MED12: variants seen among roughly 807,000 people sequenced by gnomAD.
MED12 encodes the protein mediator complex subunit 12.
In MED12, 10 loss-of-function variants were observed where a neutral mutation model predicts 177.7. The ratio of observed to expected loss-of-function variants is 0.06; its 90% confidence interval spans 0.03 to 0.10. MED12 has a LOEUF of 0.10. Among genes scored for constraint, MED12 ranks in the 10% least tolerant of loss-of-function variants. MED12 has a pLI of 1.00. For missense variants in MED12, 867 were observed against 1,780.8 expected, an observed-to-expected ratio of 0.49 and a Z score of 9.23; for synonymous variants, 641 against 678.4, an observed-to-expected ratio of 0.94 and a Z score of 0.86.
chrX:71,127,625 G>T, intron 21 of MED12, 158 bp downstream of exon 21: 1 of 517,823 alleles, frequency 1.9e-6, no homozygotes, highest in South Asian at 2.9e-5. Flanking sequence ...CCAAGAGTGG[G>T]CCCTCTTCCT....
chrX:71,142,339 A>G lies in MED12; in HGVS notation c.*121A>G, dbSNP rs1008290093. The G allele has an allele frequency of 1.1e-5, 8 of 719,948 alleles. No homozygotes were observed. Among genetic ancestry groups the G allele is most frequent in the Non-Finnish European group, 1.5e-5 (7 of 469,209 alleles). 59.3% of individuals were successfully genotyped at this position (719,948 alleles called of 1,213,427 possible). A position where few individuals can be genotyped will look rare whatever the true frequency, so the allele number is the denominator to read the frequency against. Reference sequence around the variant, plus strand: ...GCCCTCCCCTCAGGCTCCATTTTTAATAAGTTTTTAGTATTTTTGTTAATG... The same window carrying G: ...GCCCTCCCCTCAGGCTCCATTTTTAGTAAGTTTTTAGTATTTTTGTTAATG... On this transcript the variant is annotated 3_prime_UTR_variant, in exon 45 of 45. Transcript: ENST00000374080.
Position 71,127,323 on chromosome X carries a change from C to T in MED12, c.2850-13C>T, listed in dbSNP as rs1199760146. The T allele has an allele frequency of 8.3e-7, 1 of 1,209,452 alleles. No individual in the cohort carries two copies. The highest frequency in any genetic ancestry group is 1.7e-5 in the African/African-American group (1 of 57,241). On this transcript the variant is annotated splice_polypyrimidine_tract_variant and intron_variant, in intron 20 of 44. Coordinates refer to ENST00000374080, the MANE Select transcript of MED12 (RefSeq NM_005120.3). ...CCATCTGCTGACCCTCCCAACCTTGCTTCTTCATGCAGGCTGTGTGGCGTC... is the reference window on the plus strand; with the variant it reads ...CCATCTGCTGACCCTCCCAACCTTGTTTCTTCATGCAGGCTGTGTGGCGTC...
At chrX:71,133,814 G>A (rs141246253) in intron 33 of MED12, among the ~76,000 whole-genome samples, 2,076 of 111,356 alleles carry the variant, frequency 0.019, 40 homozygotes, top group African/African-American at 0.064. Context: ...ACTGTGGAAT[G>A]TTGAATGGAA....
chrX:71,132,673 A>G, intron 31 of MED12, 135 bp downstream of exon 31: 5 of 892,805 alleles, frequency 5.6e-6, no homozygotes, highest in Admixed American at 2.7e-5. Context: ...GGCATGGCTG[A>G]GCAAGAGGCT....
At chrX:71,138,601 G>A (rs182985863) in intron 41 of MED12, among the ~76,000 whole-genome samples, 5 of 109,728 alleles carry the variant, frequency 4.6e-5, no homozygotes, top group East Asian at 2.9e-4. Context: ...TTAGACAGGC[G>A]TGTTGGTGCA....
At chrX:71,133,071 G>C (rs2092322764) in intron 32 of MED12, 52 bp from the exon 33 acceptor site, 2 of 1,056,497 alleles carry the variant, frequency 1.9e-6, no homozygotes, top group Admixed American at 4.4e-5. Flanking sequence ...GCTGCTGTGG[G>C]ATGGAAACAC....
intron 4 of MED12, 76 bp downstream of exon 4, chrX:71,120,246 TTC>T (rs1419195877): frequency 5.8e-6 from 6 of 1,039,004 alleles, no homozygotes; most frequent in Non-Finnish European, 8.1e-6. Flanking sequence ...ACCATCCTCC[TTC>T]TTAATCTAGA....
chrX:71,136,575 G>C lies in MED12; in HGVS notation c.5320G>C (p.Ala1774Pro). ...PEPPKTDKPGAAPPSTEERKK... is the reference protein window; with the variant it reads ...PEPPKTDKPGPAPPSTEERKK... ...GCCCCCCAAAACTGACAAACCGGGG[G>C]CTGCTCCACCCAGTACTGAGGAACG... The change falls in exon 37 of 45, where the codon GCT (alanine) becomes CCT (proline). Residue 1774 changes from alanine (A) to proline (P), a missense_variant. Physicochemically the swap from Ala to Pro is conservative, Grantham distance 27 (BLOSUM62 -1). Coordinates refer to ENST00000374080, the MANE Select transcript of MED12 (RefSeq NM_005120.3). 1.7e-6 allele frequency: 2 copies of C among 1,201,922 alleles called. No homozygotes were observed. Among genetic ancestry groups the C allele is most frequent in the Non-Finnish European group, 1.1e-6 (1 of 891,067 alleles).
intron 9 of MED12, 35 bp from the exon 10 acceptor site, chrX:71,122,703 C>T (rs1602295637): frequency 8.3e-7 from 1 of 1,211,047 alleles, no homozygotes; most frequent in East Asian, 3.0e-5. Flanking sequence ...CACCGGGCCT[C>T]TGGTTCAGTC....
At position 71,126,169 on chromosome X, in the gene MED12, C is replaced by T; in HGVS notation, c.2541+15C>T. On this transcript the variant is annotated intron_variant, in intron 18 of 44. Coordinates refer to ENST00000374080, the MANE Select transcript of MED12 (RefSeq NM_005120.3). ...TCACGGCTCAGGTGTGGGCCTAAGC[C>T]CAGCCCCTTTCCCACATTCTGGCCT... 1 of 1,180,436 alleles carries T rather than the reference C, an allele frequency of 8.5e-7. No homozygotes were observed. The highest frequency in any genetic ancestry group is 1.2e-6 in the Non-Finnish European group (1 of 866,671).
chrX:71,135,697 A>G (rs1480516412), intron 36 of MED12, among the ~76,000 whole-genome samples: 4 of 111,181 alleles, frequency 3.6e-5, no homozygotes, highest in Admixed American at 9.6e-5. Context: ...TTAAAACCCA[A>G]AGTCTAACTC....
intron 28 of MED12, among the ~76,000 whole-genome samples, chrX:71,131,125 CT>C (rs754896365): frequency 0.12 from 9,192 of 79,698 alleles, 299 homozygotes; most frequent in African/African-American, 0.19. Flanking sequence ...TAAATGTAGT[CT>C]TTTTTTTTTT....
intron 37 of MED12, 34 bp from the exon 38 acceptor site, chrX:71,136,845 A>G: frequency 1.7e-6 from 2 of 1,210,160 alleles, no homozygotes; most frequent in Non-Finnish European, 2.2e-6. Context: ...TTCAGCTACA[A>G]CCCACTCACC....
At chrX:71,126,659 A>C (rs2092304134) in intron 19 of MED12, among the ~76,000 whole-genome samples, 175 bp downstream of exon 19, 1 of 112,055 alleles carries the variant, frequency 8.9e-6, no homozygotes, top group Admixed American at 9.4e-5. Flanking sequence ...ATAGAGACTT[A>C]AGTGCTCCCT....
chrX:71,123,770 C>T, intron 12 of MED12, 50 bp downstream of exon 12: 5 of 1,127,254 alleles, frequency 4.4e-6, no homozygotes, highest in Middle Eastern at 2.4e-4. Context: ...CTCAGTTACC[C>T]ACCACTGTCA....
chrX:71,142,083 A>G, intron 44 of MED12, 92 bp from the exon 45 acceptor site: 1 of 1,102,551 alleles, frequency 9.1e-7, no homozygotes, highest in South Asian at 1.8e-5. Flanking sequence ...ATTCCATTCC[A>G]TCCCCTTCCC....
chrX:71,134,590 A>G (rs1212786637), intron 34 of MED12, 123 bp from the exon 35 acceptor site: 2 of 1,042,359 alleles, frequency 1.9e-6, no homozygotes, highest in Non-Finnish European at 1.3e-6. Flanking sequence ...TGGGCTCCCC[A>G]TACAGTTTTG....
At chrX:71,124,669 TG>T in intron 13 of MED12, 94 bp from the exon 14 acceptor site, 1 of 689,875 alleles carries the variant, frequency 1.4e-6, no homozygotes. Context: ...TTCCCCAATC[TG>T]GTCTTCTCTC....
rs1174415896 is a variant in MED12 at position 71,122,076 on chromosome X, T to A, written c.1102-124T>A. ...AAGGGAGGGGATCGGGGTGGAGTGA[T>A]GCCTGTCTTGGGGACCCAGTCAGAA... On this transcript the variant is annotated intron_variant, in intron 7 of 44. Transcript: ENST00000374080. The A allele has an allele frequency of 2.0e-5, 19 of 955,939 alleles. No homozygotes were observed. In the Admixed American group the frequency reaches 4.2e-4, roughly 21 times the overall value. The allele number at this position is 955,939 out of a possible 1,213,427, so 78.8% of individuals were successfully genotyped here. A position where few individuals can be genotyped will look rare whatever the true frequency, so the allele number is the denominator to read the frequency against.
Sources: gnomAD v4.1 joint callset for allele counts (sites outside exome capture counted in the v4.1 genomes callset) on GRCh38, gnomAD v4.1.1 for gene constraint, MANE v1.5 for transcripts, NCBI Gene and HGNC (gene_info 2026-07-23, HGNC 2026-07-21) for gene names.